Variants in CSMD1 observed in about 807,000 individuals in gnomAD.
CSMD1 encodes the protein CUB and Sushi multiple domains 1.
A neutral mutation model predicts 417.5 loss-of-function variants in CSMD1; 213 were observed. The ratio of observed to expected loss-of-function variants is 0.51; its 90% CI spans 0.46 to 0.57. CSMD1 has a LOEUF of 0.57. Among genes scored for constraint, CSMD1 ranks in the 20% least tolerant of loss-of-function variants. The pLI is 0.00. For synonymous variants in CSMD1, 2,862 were observed against 1,736.8 expected (o/e 1.65, Z -16.11); for missense variants, 6,923 against 4,529.7 (o/e 1.53, Z -15.17).
intron 5 of CSMD1, among the ~76,000 whole-genome samples, chr8:3,775,438 A>T (rs1798843435): frequency 6.6e-6 from 1 of 152,116 alleles, no homozygotes; most frequent in South Asian, 2.1e-4. Context: ...TACTTTGGGG[A>T]GGGGGCAAAA....
chr8:3,634,112 G>T (rs937091375), intron 7 of CSMD1, among the ~76,000 whole-genome samples: 1 of 152,188 alleles, frequency 6.6e-6, no homozygotes, highest in Non-Finnish European at 1.5e-5. Flanking sequence ...TTAGAAGTTT[G>T]GTTCTTGACC....
At chr8:4,412,564 T>C (rs1021912518) in intron 3 of CSMD1, among the ~76,000 whole-genome samples, 4 of 152,040 alleles carry the variant, frequency 2.6e-5, no homozygotes, top group African/African-American at 9.7e-5. Context: ...TTTATACTAA[T>C]ACAAGAATGG....
At chr8:3,922,374 A>G (rs1413700025) in intron 5 of CSMD1, among the ~76,000 whole-genome samples, 1 of 152,148 alleles carries the variant, frequency 6.6e-6, no homozygotes, top group African/African-American at 2.4e-5. Flanking sequence ...ACTTACACAT[A>G]AAGTAATTAT....
chr8:4,972,892 T>C (rs1185966594), intron 1 of CSMD1, among the ~76,000 whole-genome samples: 1 of 152,192 alleles, frequency 6.6e-6, no homozygotes, highest in Non-Finnish European at 1.5e-5. Context: ...ACATAGGTAC[T>C]GGGACCTACC....
chr8:4,115,484 A>AT lies in CSMD1; in HGVS notation c.416-83386dup, dbSNP rs917281127. The stretch of plus-strand genomic sequence containing the variant: ...TTTTTATATATAATGCTTTAGACGT[A>AT]TTTTTTTACAACTAAAAATTATCTT... On this transcript the variant is annotated intron_variant, in intron 3 of 69. Coordinates refer to ENST00000635120, the MANE Select transcript of CSMD1 (RefSeq NM_033225.6). 4.5e-4 allele frequency among the ~76,000 whole-genome samples: 68 copies of AT among 152,210 alleles called. 1 individual carries two copies. The highest frequency in any genetic ancestry group is 1.3e-3 in the African/African-American group (56 of 41,530).
chr8:3,207,834 A>G (rs1797390074), intron 30 of CSMD1, among the ~76,000 whole-genome samples: 1 of 152,064 alleles, frequency 6.6e-6, no homozygotes, highest in Admixed American at 6.6e-5. Flanking sequence ...TCTCTAAAAC[A>G]CTTCTATTTA....
Position 3,446,700 on chromosome 8 carries a change from A to T in CSMD1, c.1561+22012T>A, listed in dbSNP as rs1563398233. ...TAAAAGGTAAATAGGAACACATGCC[A>T]TTCTTGAAAACTATTTTACTTATAA... On this transcript the variant is annotated intron_variant, in intron 12 of 69. Coordinates refer to ENST00000635120, the MANE Select transcript of CSMD1 (RefSeq NM_033225.6). Among the ~76,000 whole-genome samples the T allele has an allele frequency of 2.0e-5, 3 of 152,364 alleles. No homozygotes were observed. In the East Asian group the frequency reaches 5.8e-4, roughly 29 times the overall value.
At chr8:4,387,469 A>G (rs1174768479) in intron 3 of CSMD1, among the ~76,000 whole-genome samples, 2 of 149,016 alleles carry the variant, frequency 1.3e-5, no homozygotes, top group East Asian at 4.1e-4. Context: ...CAGGAAGTTG[A>G]GTGTACTTTC....
At chr8:3,752,173 G>C (rs7837107) in intron 6 of CSMD1, among the ~76,000 whole-genome samples, 3 of 152,002 alleles carry the variant, frequency 2.0e-5, no homozygotes, top group African/African-American at 7.3e-5. Flanking sequence ...ACAAGATAAC[G>C]GCAGATATGG....
chr8:3,383,282 A>T (rs1810758343), intron 18 of CSMD1, among the ~76,000 whole-genome samples: 1 of 152,230 alleles, frequency 6.6e-6, no homozygotes, highest in Admixed American at 6.5e-5. Context: ...TTTCAGTCAC[A>T]CCTCAATAAA....
intron 8 of CSMD1, among the ~76,000 whole-genome samples, chr8:3,612,825 A>G (rs1801957723): frequency 6.6e-6 from 1 of 152,106 alleles, no homozygotes; most frequent in South Asian, 2.1e-4. Context: ...TTTAGAAAGA[A>G]TAAAGGTCTT....
rs544191959 is a variant in CSMD1, at chr8:4,068,011, G to A, written c.416-35912C>T. 3.4e-3 allele frequency among the ~76,000 whole-genome samples: 524 copies of A among 152,110 alleles called. 6 individuals carry two copies. The highest frequency in any genetic ancestry group is 0.012 in the African/African-American group (508 of 41,474). ...AGAATCACCTGAACCCTGAGTGGGG[G>A]CGAAGGTTGCAGTGAGCCGAGATCA... On this transcript the variant is annotated intron_variant, in intron 3 of 69. Transcript: ENST00000635120.
intron 5 of CSMD1, among the ~76,000 whole-genome samples, chr8:3,759,782 C>T (rs1462985243): frequency 1.3e-5 from 2 of 151,208 alleles, no homozygotes; most frequent in African/African-American, 4.9e-5. Flanking sequence ...GTGGCAGACT[C>T]CTGTAATCGC....
intron 2 of CSMD1, among the ~76,000 whole-genome samples, chr8:4,627,964 C>T (rs1346016040): frequency 6.6e-6 from 1 of 150,824 alleles, no homozygotes; most frequent in African/African-American, 2.4e-5. Flanking sequence ...CTGTCAGATT[C>T]TAAGAGCAAC....
chr8:3,437,085 T>G (rs1814613808), intron 12 of CSMD1, among the ~76,000 whole-genome samples: 1 of 152,134 alleles, frequency 6.6e-6, no homozygotes, highest in African/African-American at 2.4e-5. Context: ...TCGAAAAACT[T>G]CAAAGACTGA....
chr8:4,286,045 T>C (rs1797039623), intron 3 of CSMD1, among the ~76,000 whole-genome samples: 2 of 152,180 alleles, frequency 1.3e-5, no homozygotes, highest in South Asian at 4.2e-4. Flanking sequence ...TAGTGGAATT[T>C]GTAGTTACAT....
At chr8:4,140,221 G>T (rs1017066261) in intron 3 of CSMD1, among the ~76,000 whole-genome samples, 1 of 122,002 alleles carries the variant, frequency 8.2e-6, no homozygotes, top group Non-Finnish European at 1.9e-5. Context: ...AAATTCATCT[G>T]GATATGAAGG....
chr8:4,424,630 T>C (rs914581818), intron 2 of CSMD1, among the ~76,000 whole-genome samples: 2 of 152,110 alleles, frequency 1.3e-5, no homozygotes, highest in African/African-American at 4.8e-5. Flanking sequence ...CCATTTTCTG[T>C]AGAAAACAGA....
chr8:3,521,539 C>T (rs1024328112), intron 10 of CSMD1, among the ~76,000 whole-genome samples: 8 of 152,154 alleles, frequency 5.3e-5, no homozygotes, highest in African/African-American at 1.9e-4. Context: ...CTTATCTCAT[C>T]AGTAAACATA....
Sources: allele counts gnomAD v4.1 joint callset (sites outside exome capture counted in the v4.1 genomes callset), GRCh38; gene constraint gnomAD v4.1.1; transcripts MANE v1.5; gene names NCBI Gene and HGNC (gene_info 2026-07-23, HGNC 2026-07-21).